GAREM1: variants seen among roughly 807,000 people sequenced by gnomAD.
GAREM1 encodes the protein GRB2 associated regulator of MAPK1 subtype 1, also known as GRB2-associated and regulator of MAPK protein 1.
A neutral mutation model predicts 71.3 loss-of-function variants in GAREM1; 26 were observed. The observed-to-expected ratio is 0.36, with a 90% confidence interval of 0.27 to 0.51. The LOEUF (loss-of-function observed/expected upper bound fraction) is 0.51. Ranked by LOEUF, GAREM1 falls within the 20% of genes least tolerant of loss-of-function variation. The pLI is 0.95. For missense variants in GAREM1, 1,026 were observed against 1,103.1 expected (o/e 0.93, Z 0.99); for synonymous variants, 440 against 433.2 (o/e 1.02, Z -0.20).
intron 1 of GAREM1, among the ~76,000 whole-genome samples, chr18:32,397,352 A>T (rs2048267409): frequency 6.6e-6 from 1 of 152,158 alleles, no homozygotes; most frequent in East Asian, 1.9e-4. Flanking sequence ...AAAGACACAA[A>T]CTGAAAAATT....
rs1241744519 is a variant in GAREM1 at position 32,265,925 on chromosome 18, G to A, written c.*1946C>T. 2 of 152,072 alleles carry A rather than the reference G, an allele frequency of 1.3e-5. No homozygotes were observed. Among genetic ancestry groups the A allele is most frequent in the African/African-American group, 4.8e-5 (2 of 41,400 alleles). The allele number at this position is 152,072 out of a possible 1,614,324, so 9.4% of individuals were successfully genotyped here. A position where few individuals can be genotyped will look rare whatever the true frequency, so the allele number is the denominator to read the frequency against. ...GTTCTGAGAGGTTTACTTTACTAAG[G>A]GAGGCAGTCCCCCTCACACAGAAGG... On this transcript the variant is annotated 3_prime_UTR_variant, in exon 6 of 6. Coordinates refer to ENST00000269209, the MANE Select transcript of GAREM1 (RefSeq NM_001242409.2).
At chr18:32,298,649 G>A (rs909964077) in intron 3 of GAREM1, among the ~76,000 whole-genome samples, 5 of 152,112 alleles carry the variant, frequency 3.3e-5, no homozygotes, top group African/African-American at 1.2e-4. Flanking sequence ...TTAAGCTTGT[G>A]GACGCGCACA....
At chr18:32,301,917 A>G (rs1331467747) in intron 3 of GAREM1, among the ~76,000 whole-genome samples, 1 of 152,260 alleles carries the variant, frequency 6.6e-6, no homozygotes, top group Non-Finnish European at 1.5e-5. Context: ...CATGTATAAC[A>G]TTCATAAAAG....
chr18:32,459,624 G>T (rs1334018356), intron 1 of GAREM1, among the ~76,000 whole-genome samples: 2 of 152,074 alleles, frequency 1.3e-5, no homozygotes, highest in East Asian at 3.8e-4. Context: ...TTTAACTTGG[G>T]TCTAGTGCTT....
intron 1 of GAREM1, among the ~76,000 whole-genome samples, chr18:32,456,912 A>G (rs2048895394): frequency 6.6e-6 from 1 of 152,142 alleles, no homozygotes; most frequent in Non-Finnish European, 1.5e-5. Context: ...TGATATAAGC[A>G]AGAGGCTGAA....
intron 1 of GAREM1, among the ~76,000 whole-genome samples, chr18:32,426,255 GT>G (rs1386152424): frequency 6.6e-6 from 1 of 152,074 alleles, no homozygotes. Flanking sequence ...TCCTGACCTC[GT>G]GATCCACCCG....
At chr18:32,282,853 AAAG>A (rs2046968779) in intron 4 of GAREM1, among the ~76,000 whole-genome samples, 1 of 152,236 alleles carries the variant, frequency 6.6e-6, no homozygotes, top group African/African-American at 2.4e-5. Flanking sequence ...AAGAGGGGGA[AAAG>A]AAGATTGCTC....
At chr18:32,293,433 A>G (rs2047107333) in intron 3 of GAREM1, among the ~76,000 whole-genome samples, 1 of 152,216 alleles carries the variant, frequency 6.6e-6, no homozygotes, top group African/African-American at 2.4e-5. Flanking sequence ...ATCACAATAA[A>G]GACCACGATG....
chr18:32,379,137 T>C (rs1481063779), intron 2 of GAREM1, among the ~76,000 whole-genome samples: 1 of 152,078 alleles, frequency 6.6e-6, no homozygotes, highest in African/African-American at 2.4e-5. Context: ...ACAGTTTCTA[T>C]ATTAAATGAG....
At chr18:32,428,788 T>C (rs2048597884) in intron 1 of GAREM1, among the ~76,000 whole-genome samples, 1 of 152,202 alleles carries the variant, frequency 6.6e-6, no homozygotes, top group South Asian at 2.1e-4. Context: ...ATGCTTCAAC[T>C]CTCCAGACAC....
At position 32,470,339 on chromosome 18, in the gene GAREM1, G is replaced by T; in HGVS notation, c.90C>A (p.Tyr30Ter). 1 of 1,567,008 alleles carries T rather than the reference G, an allele frequency of 6.4e-7. No homozygotes were observed. Among genetic ancestry groups the T allele is most frequent in the Non-Finnish European group, 8.6e-7 (1 of 1,159,184 alleles). ...AVPLDLLVSTYRLPQIARLDN... is the reference protein window; with the variant it reads ...AVPLDLLVST ...CCAGGCGCGCGATCTGGGGCAGCCG[G>T]TAAGTGCTGACCAGGAGGTCGAGCG... is the stretch of plus-strand genomic sequence containing the variant. The change falls in exon 1 of 6, where the codon TAC becomes TAA. Residue 30 changes from tyrosine (Y) to a stop codon, truncating the protein, a stop_gained. Transcript: ENST00000269209. LOFTEE classifies it high-confidence loss of function. The surrounding 1 kb of genome is among the most constrained non-coding windows in gnomAD (Gnocchi z 4.4).
intron 4 of GAREM1, among the ~76,000 whole-genome samples, chr18:32,282,689 T>A (rs2046967097): frequency 6.6e-6 from 1 of 152,168 alleles, no homozygotes; most frequent in Non-Finnish European, 1.5e-5. Flanking sequence ...GGATTACAGG[T>A]GTGAGCCACG....
intron 2 of GAREM1, among the ~76,000 whole-genome samples, chr18:32,372,616 T>C (rs2047993606): frequency 6.6e-6 from 1 of 152,218 alleles, no homozygotes; most frequent in Admixed American, 6.5e-5. Context: ...AGTCCCACCC[T>C]GTGGAGCTTC....
At chr18:32,306,071 C>CT (rs1162957407) in intron 3 of GAREM1, among the ~76,000 whole-genome samples, 1 of 152,228 alleles carries the variant, frequency 6.6e-6, no homozygotes, top group Non-Finnish European at 1.5e-5. Context: ...TCCTGGTTAA[C>CT]TCACTTTCCA....
At chr18:32,352,224 CAAG>C (rs774156386) in intron 2 of GAREM1, among the ~76,000 whole-genome samples, 35 of 152,180 alleles carry the variant, frequency 2.3e-4, no homozygotes, top group Admixed American at 1.8e-3. Flanking sequence ...CCCAGGGAAA[CAAG>C]AATAAAATTT....
At chr18:32,407,394 T>C (rs1434542349) in intron 1 of GAREM1, among the ~76,000 whole-genome samples, 10 of 152,090 alleles carry the variant, frequency 6.6e-5, no homozygotes, top group Non-Finnish European at 8.8e-5. Context: ...GATCGCACCA[T>C]TGCACTCCAG....
chr18:32,300,305 C>T (rs2047186632), intron 3 of GAREM1, among the ~76,000 whole-genome samples: 2 of 152,162 alleles, frequency 1.3e-5, no homozygotes, highest in Admixed American at 6.5e-5. Context: ...GATTCCTTTT[C>T]TGAATTCTTG....
intron 1 of GAREM1, among the ~76,000 whole-genome samples, chr18:32,406,810 C>T (rs191808568): frequency 1.1e-4 from 17 of 152,208 alleles, no homozygotes; most frequent in African/African-American, 3.9e-4. Context: ...GAAGAAACTG[C>T]TTTTAGCCCA....
At chr18:32,377,665 G>A (rs150069797) in intron 2 of GAREM1, among the ~76,000 whole-genome samples, 2,067 of 152,286 alleles carry the variant, frequency 0.014, 61 homozygotes, top group African/African-American at 0.048. Context: ...CCAGGTTCGA[G>A]CAATTCTCCT....
Sources: allele counts gnomAD v4.1 joint callset (sites outside exome capture counted in the v4.1 genomes callset), GRCh38; gene constraint gnomAD v4.1.1; non-coding constraint Gnocchi (gnomAD v3.1); transcripts MANE v1.5; gene names NCBI Gene and HGNC (gene_info 2026-07-23, HGNC 2026-07-21).